The following APEH variants were observed in gnomAD, a reference collection of about 807,000 sequenced individuals.
APEH encodes acylamino-acid-releasing enzyme.
In APEH, 75 loss-of-function variants were observed where a neutral mutation model predicts 102.7. The ratio of observed to expected loss-of-function variants is 0.73; its 90% confidence interval spans 0.61 to 0.89. The LOEUF (loss-of-function observed/expected upper bound fraction) is 0.89, where lower values mean the gene tolerates loss of function less well. APEH is among the 40% of genes least tolerant of loss of function. The probability of loss-of-function intolerance (pLI) is 0.00; values close to 1 mark genes in which losing one functional copy is unlikely to be tolerated. For synonymous variants in APEH, 344 were observed against 362.7 expected (o/e 0.95, Z 0.59); for missense variants, 863 against 941.2 (o/e 0.92, Z 1.09).
rs777989741 is a variant in APEH, at chr3:49,683,046, A to G, written c.1993A>G (p.Thr665Ala). Residue 665 changes from threonine (T) to alanine (A), a missense_variant, in exon 21 of 22, where the codon ACA becomes GCA. Transcript: ENST00000296456. ...SPIRYIPQVK[T>A]PLLLMLGQED... Reference sequence around the variant, plus strand: ...CTCTTCCCCAAACACCCAGGTGAAGACACCACTGTTACTGATGTTGGGCCA... The same window carrying G: ...CTCTTCCCCAAACACCCAGGTGAAGGCACCACTGTTACTGATGTTGGGCCA... 4.0e-5 allele frequency: 64 copies of G among 1,613,872 alleles called. No individual in the cohort carries two copies. Among genetic ancestry groups the G allele is most frequent in the Non-Finnish European group, 4.8e-5 (57 of 1,179,988 alleles).
chr3:49,675,463 G>A, intron 3 of APEH, 154 bp downstream of exon 3: 2 of 1,184,720 alleles, frequency 1.7e-6, no homozygotes, highest in East Asian at 2.6e-5. Context: ...GGCCTGATAA[G>A]CACTGGAAGC....
At chr3:49,673,143 T>A (rs1203016539), upstream of APEH, among the ~76,000 whole-genome samples, 2 of 139,372 alleles carry the variant, frequency 1.4e-5, no homozygotes, top group Non-Finnish European at 3.0e-5. Context: ...GAGTAAGTAA[T>A]GATGCGGCTG....
upstream of APEH, chr3:49,674,138 C>G: frequency 1.8e-6 from 1 of 541,868 alleles, no homozygotes; most frequent in Non-Finnish European, 3.2e-6. Flanking sequence ...CAGCCCACGG[C>G]CCCGCCCCCC....
At position 49,675,162 on chromosome 3, in the gene APEH, G is replaced by GTC. The variant is rs770658547; in HGVS notation, c.146-18_146-17dup. 3.6e-5 allele frequency: 58 copies of GTC among 1,613,598 alleles called. 1 individual carries two copies. In the South Asian group the frequency reaches 6.3e-4, roughly 17 times the overall value. On this transcript the variant is annotated intron_variant, in intron 2 of 21. Coordinates refer to ENST00000296456, the MANE Select transcript of APEH (RefSeq NM_001640.4). ...AGGAGTAGCCAAGACAAGGTGAGCA[G>GTC]TCTCATGCCTCCCCTCACAGAGTGG...
intron 2 of APEH, among the ~76,000 whole-genome samples, chr3:49,674,933 C>G (rs776109430): frequency 1.6e-4 from 24 of 152,082 alleles, no homozygotes; most frequent in Non-Finnish European, 3.1e-4. Context: ...GCCAGGCTGC[C>G]CTCAAGATTC....
chr3:49,673,154 A>T (rs189544626), upstream of APEH, among the ~76,000 whole-genome samples: 39 of 121,884 alleles, frequency 3.2e-4, no homozygotes, highest in African/African-American at 1.1e-3. Context: ...GATGCGGCTG[A>T]TGGGAAAGGG....
intron 15 of APEH, 136 bp from the exon 16 acceptor site, chr3:49,681,586 G>C: frequency 1.3e-6 from 1 of 772,792 alleles, no homozygotes; most frequent in Non-Finnish European, 2.0e-6. Context: ...GCCTTCTGGG[G>C]TCCATGTGTC....
At chr3:49,674,192 C>A, upstream of APEH, 1 of 638,370 alleles carries the variant, frequency 1.6e-6, no homozygotes, top group Non-Finnish European at 2.6e-6. Flanking sequence ...TCTCACCCAC[C>A]CAGGACTTCT....
Position 49,681,968 on chromosome 3 carries a change from G to C in APEH, c.1603+1G>C, listed in dbSNP as rs745480522. 4 of 1,613,174 alleles carry C rather than the reference G, an allele frequency of 2.5e-6. No homozygotes were observed. The highest frequency in any genetic ancestry group is 3.4e-6 in the Non-Finnish European group (4 of 1,179,132). On this transcript the variant is annotated splice_donor_variant, in intron 17 of 21. Coordinates refer to ENST00000296456, the MANE Select transcript of APEH (RefSeq NM_001640.4). LOFTEE classifies it high-confidence loss of function. ...AAGATGGGCTTTGCGGTACTACTAG[G>C]TGAGTGAGCAGGGACCCACAGTTCT...
At chr3:49,678,746 G>A (rs2053183536) in intron 11 of APEH, 106 bp from the exon 12 acceptor site, 4 of 931,798 alleles carry the variant, frequency 4.3e-6, no homozygotes, top group South Asian at 1.4e-5. Flanking sequence ...CCTGACTGGT[G>A]CCTGAGTAGG....
At chr3:49,680,974 A>G (rs1313606658) in intron 14 of APEH, 127 bp from the exon 15 acceptor site, 71 of 1,253,574 alleles carry the variant, frequency 5.7e-5, no homozygotes, top group Non-Finnish European at 7.8e-5. Flanking sequence ...ACAGGAAGCC[A>G]TGCTGTACCT....
At chr3:49,674,864 C>T (rs11130213) in intron 2 of APEH, among the ~76,000 whole-genome samples, 41,657 of 151,988 alleles carry the variant, frequency 0.27, 6,213 homozygotes, top group Middle Eastern at 0.31. Context: ...AGAAGTCAAA[C>T]CTGGGCTCAG....
chr3:49,681,131 G>A lies in APEH; in HGVS notation c.1330G>A (p.Glu444Lys). ...KVGFLPSAGKEQSVLWVSLEE... is the reference protein window; with the variant it reads ...KVGFLPSAGKKQSVLWVSLEE... ...TGGGTTCCTGCCTTCTGCAGGGAAG[G>A]AGCAGTCAGTGTTGTGGGTGTCCCT... The change falls in exon 15 of 22, where the codon GAG becomes AAG. Residue 444 changes from glutamate to lysine, a missense_variant. Transcript: ENST00000296456. 3.1e-6 allele frequency: 5 copies of A among 1,603,884 alleles called. No individual in the cohort carries two copies. Among genetic ancestry groups the A allele is most frequent in the Non-Finnish European group, 3.4e-6 (4 of 1,174,578 alleles).
chr3:49,674,103 G>C, upstream of APEH: 7 of 441,992 alleles, frequency 1.6e-5, no homozygotes, highest in Admixed American at 4.3e-5. Flanking sequence ...CCAACGCCTC[G>C]CCCCTCGGTA....
chr3:49,676,330 G>C, intron 6 of APEH, 48 bp from the exon 7 acceptor site: 1 of 1,613,440 alleles, frequency 6.2e-7, no homozygotes, highest in South Asian at 1.1e-5. Flanking sequence ...TTAGGAAGCA[G>C]AGCAGGTCCT....
rs1312259500 is a variant in APEH at position 49,677,496 on chromosome 3, G to GGGGATA, written c.1000-74_1000-69dup. The GGGGATA allele has an allele frequency of 2.1e-5, 29 of 1,360,914 alleles. No individual in the cohort carries two copies. In the Admixed American group the frequency reaches 4.1e-4, roughly 19 times the overall value. The allele number at this position is 1,360,914 out of a possible 1,614,324, so 84.3% of individuals were successfully genotyped here. On this transcript the variant is annotated intron_variant, in intron 10 of 21. Transcript: ENST00000296456. ...TCTCCTGGGGCTACCTGAGGCAAAA[G>GGGGATA]GGGATAGGCACAGGGCACTGTGCCC...
At position 49,677,036 on chromosome 3, in the gene APEH, G is replaced by A; in HGVS notation, c.999+12G>A. The A allele has an allele frequency of 6.2e-7, 1 of 1,614,046 alleles. No homozygotes were observed. Among genetic ancestry groups the A allele is most frequent in the Non-Finnish European group, 8.5e-7 (1 of 1,180,030 alleles). On this transcript the variant is annotated intron_variant, in intron 10 of 21. Coordinates refer to ENST00000296456, the MANE Select transcript of APEH (RefSeq NM_001640.4). ...GCCAGCTGTGCCTGGTGAGCTGGAG[G>A]TGGCAGGGATGGGAGGGTGGTCAGC...
chr3:49,682,220 TCCCCTTGA>T (rs2053361341), intron 17 of APEH, 120 bp from the exon 18 acceptor site: 3 of 1,052,362 alleles, frequency 2.9e-6, no homozygotes, highest in African/African-American at 1.6e-5. Context: ...CTGAGTCCCT[TCCCCTTGA>T]CCCCTTGACA....
At chr3:49,682,799 T>C (rs1358846919) in intron 19 of APEH, 44 bp from the exon 20 acceptor site, 2 of 1,612,940 alleles carry the variant, frequency 1.2e-6, no homozygotes, top group African/African-American at 2.7e-5. Flanking sequence ...TGGAGCCCCG[T>C]AGCCCCAGAA....
Sources: gnomAD v4.1 joint callset for allele counts (sites outside exome capture counted in the v4.1 genomes callset) on GRCh38, gnomAD v4.1.1 for gene constraint, MANE v1.5 for transcripts, NCBI Gene and HGNC (gene_info 2026-07-23, HGNC 2026-07-21) for gene names.